The following INTS6 variants were observed in gnomAD, a reference collection of about 807,000 sequenced individuals.
INTS6 encodes integrator complex subunit 6.
In INTS6, 16 loss-of-function variants were observed where a neutral mutation model predicts 104.9. That is an observed-to-expected ratio of 0.15 (90% CI 0.10 to 0.23). The LOEUF is 0.23. Among genes scored for constraint, INTS6 ranks in the 10% least tolerant of loss-of-function variants. INTS6 has a pLI of 1.00. For missense variants in INTS6, 584 were observed against 1,062.8 expected, an observed-to-expected ratio of 0.55 and a Z score of 6.26; for synonymous variants, 324 against 358.7, an observed-to-expected ratio of 0.90 and a Z score of 1.09.
intron 3 of INTS6, chr13:51,449,056 A>G (rs1459778385): frequency 6.6e-6 from 1 of 152,234 alleles, no homozygotes; most frequent in Non-Finnish European, 1.5e-5. Context: ...TTTTATGATG[A>G]AAAAAATCTT....
At chr13:51,441,774 T>C (rs1952801516) in intron 3 of INTS6, 1 of 151,302 alleles carries the variant, frequency 6.6e-6, no homozygotes, top group Non-Finnish European at 1.5e-5. Flanking sequence ...AATTACAGTA[T>C]AAAATCCTGT....
At chr13:51,433,301 G>A (rs574995695) in intron 3 of INTS6, among the ~76,000 whole-genome samples, 1 of 152,272 alleles carries the variant, frequency 6.6e-6, no homozygotes, top group South Asian at 2.1e-4. Context: ...ACAAAAATTA[G>A]CCAAGTGTGG....
At chr13:51,424,368 T>C (rs1040893825) in intron 4 of INTS6, among the ~76,000 whole-genome samples, 2 of 151,618 alleles carry the variant, frequency 1.3e-5, no homozygotes, top group Admixed American at 1.3e-4. Flanking sequence ...TCTTACTACA[T>C]GATCTTGAAA....
chr13:51,448,066 AT>A (rs1033467047), intron 3 of INTS6: 19 of 152,350 alleles, frequency 1.2e-4, no homozygotes, highest in East Asian at 3.9e-4. Context: ...CTCAAAAAAA[AT>A]ATACATATAT....
chr13:51,372,961 C>T (rs1955839955), intron 15 of INTS6, among the ~76,000 whole-genome samples: 1 of 152,132 alleles, frequency 6.6e-6, no homozygotes, highest in African/African-American at 2.4e-5. Context: ...ACAGTTAAGG[C>T]CTATACATTG....
At chr13:51,371,608 A>C (rs1206579921) in intron 15 of INTS6, among the ~76,000 whole-genome samples, 3 of 152,140 alleles carry the variant, frequency 2.0e-5, no homozygotes, top group South Asian at 4.2e-4. Flanking sequence ...GCTGCTGGAG[A>C]AATAGGGCCC....
At chr13:51,360,143 C>G (rs566195165), downstream of INTS6, among the ~76,000 whole-genome samples, 72 of 152,090 alleles carry the variant, frequency 4.7e-4, no homozygotes, top group Admixed American at 3.9e-4. Flanking sequence ...GGGCTATCTC[C>G]TGTGTGTGCG....
chr13:51,394,245 A>G (rs182691551), intron 5 of INTS6, among the ~76,000 whole-genome samples: 6 of 152,270 alleles, frequency 3.9e-5, no homozygotes, highest in Admixed American at 3.9e-4. Context: ...CCCTTTGTTA[A>G]TTAAATTGTG....
chr13:51,452,119 G>T lies in INTS6; in HGVS notation c.112-64C>A. 6.8e-7 allele frequency: 1 copy of T among 1,480,416 alleles called. No individual in the cohort carries two copies. Among genetic ancestry groups the T allele is most frequent in the East Asian group, 2.3e-5 (1 of 43,654 alleles). The allele number at this position is 1,480,416 out of a possible 1,614,324, so 91.7% of individuals were successfully genotyped here. ...AGCACAGAGGCGAGGTTACGAGGCG[G>T]AGAAGGGGCGCCCAGCGGCCCCGCC... On this transcript the variant is annotated intron_variant, in intron 1 of 17. Coordinates refer to ENST00000311234, the MANE Select transcript of INTS6 (RefSeq NM_012141.3). This position sits in a 1 kb window ranked among gnomAD's most constrained non-coding sequence, Gnocchi z 4.2.
chr13:51,343,902 C>T, the INTS6 span, among the ~76,000 whole-genome samples: 2 of 152,308 alleles, frequency 1.3e-5, no homozygotes, highest in East Asian at 1.9e-4. Flanking sequence ...GTTTTCCCAG[C>T]CCTAGAATCT....
intron 3 of INTS6, chr13:51,447,312 A>AT (rs1952937808): frequency 6.6e-6 from 1 of 152,140 alleles, no homozygotes; most frequent in Non-Finnish European, 1.5e-5. Context: ...CACACTACCT[A>AT]TTAAATGGGT....
At chr13:51,424,451 C>A (rs1251814908) in intron 4 of INTS6, among the ~76,000 whole-genome samples, 1 of 151,818 alleles carries the variant, frequency 6.6e-6, no homozygotes, top group African/African-American at 2.4e-5. Flanking sequence ...AATATTTCAT[C>A]AACTTCTTTA....
chr13:51,413,555 T>C (rs992912506), intron 4 of INTS6, among the ~76,000 whole-genome samples: 7 of 152,218 alleles, frequency 4.6e-5, no homozygotes, highest in Non-Finnish European at 1.0e-4. Flanking sequence ...CTCTAATAAG[T>C]TGCAGAACCA....
chr13:51,366,690 C>T (rs1955698266), intron 17 of INTS6, among the ~76,000 whole-genome samples: 1 of 151,978 alleles, frequency 6.6e-6, no homozygotes, highest in African/African-American at 2.4e-5. Flanking sequence ...CTCAAAATTA[C>T]ATGAAAAGTT....
chr13:51,431,587 T>C (rs1957091194), intron 3 of INTS6, among the ~76,000 whole-genome samples: 1 of 152,152 alleles, frequency 6.6e-6, no homozygotes. Context: ...ATATACGCAA[T>C]ATTTATTGAA....
intron 12 of INTS6, 38 bp downstream of exon 12, chr13:51,378,196 TAACAG>T: frequency 7.2e-7 from 1 of 1,383,244 alleles, no homozygotes; most frequent in Non-Finnish European, 1.0e-6. Context: ...TCCAGTAACA[TAACAG>T]AACATAACTA....
At position 51,364,553 on chromosome 13, in the gene INTS6, C is replaced by G; in HGVS notation, c.*1199G>C. 3.1e-6 allele frequency: 1 copy of G among 324,938 alleles called. No homozygotes were observed. The highest frequency in any genetic ancestry group is 5.6e-6 in the Non-Finnish European group (1 of 179,680). The allele number at this position is 324,938 out of a possible 1,614,324, so 20.1% of individuals were successfully genotyped here. ...CAGTGATCATGAATGGTGAGTGAGT[C>G]AGGCCATAAGATTGCTTCCTCAGTA... is the stretch of plus-strand genomic sequence containing the variant. On this transcript the variant is annotated 3_prime_UTR_variant, in exon 18 of 18. Coordinates refer to ENST00000311234, the MANE Select transcript of INTS6 (RefSeq NM_012141.3).
the INTS6 span, among the ~76,000 whole-genome samples, chr13:51,334,437 C>T: frequency 4.6e-5 from 7 of 152,018 alleles, no homozygotes; most frequent in African/African-American, 1.7e-4. Flanking sequence ...TTAAAATAAT[C>T]TATGATAGGA....
chr13:51,388,002 A>G (rs754336548), intron 6 of INTS6, among the ~76,000 whole-genome samples: 1 of 152,238 alleles, frequency 6.6e-6, no homozygotes, highest in Non-Finnish European at 1.5e-5. Context: ...TTTTAACCGA[A>G]GCCTAAAAAA....
Sources: gnomAD v4.1 joint callset for allele counts (sites outside exome capture counted in the v4.1 genomes callset) on GRCh38, gnomAD v4.1.1 for gene constraint, Gnocchi (gnomAD v3.1) non-coding constraint, MANE v1.5 for transcripts, NCBI Gene and HGNC (gene_info 2026-07-23, HGNC 2026-07-21) for gene names.